C4orf51: variants seen among roughly 807,000 people sequenced by gnomAD.
The protein encoded by C4orf51 is uncharacterized protein C4orf51.
In C4orf51, 25 loss-of-function variants were observed where a neutral mutation model predicts 25.2. That is an observed-to-expected ratio of 0.99 (90% CI 0.72 to 1.39). The LOEUF (loss-of-function observed/expected upper bound fraction) is 1.39, where lower values mean the gene tolerates loss of function less well. Ranked by LOEUF, C4orf51 falls within the 40% of genes most tolerant of loss-of-function variation. C4orf51 has a pLI of 0.00. For synonymous variants in C4orf51, 100 were observed against 84.5 expected (o/e 1.18, Z -1.01); for missense variants, 252 against 239.6 (o/e 1.05, Z -0.34).
intron 1 of C4orf51, among the ~76,000 whole-genome samples, chr4:145,767,271 C>T (rs1346951442): frequency 6.6e-6 from 1 of 152,116 alleles, no homozygotes; most frequent in African/African-American, 2.4e-5. Context: ...CAGCAGTAAT[C>T]CCATTAGACA....
chr4:145,726,921 T>C lies in C4orf51; in HGVS notation c.318T>C (p.Pro106=), dbSNP rs756058976. 1 of 1,613,128 alleles carries C rather than the reference T, an allele frequency of 6.2e-7. No individual in the cohort carries two copies. Among genetic ancestry groups the C allele is most frequent in the Non-Finnish European group, 8.5e-7 (1 of 1,179,280 alleles). ...TTCATGTGCATGCAGGACTATTCCC[T>C]GATATAACCAGGCCCTTTAAAAAGT... ...QETTDIKGLF[P]DITRPFKKSF... The change falls in exon 3 of 6, where the codon CCT becomes CCC. Residue 106 remains proline (P), a synonymous_variant. Transcript: ENST00000438731.
intron 1 of C4orf51, among the ~76,000 whole-genome samples, chr4:145,692,645 G>T (rs1015659367): frequency 6.6e-6 from 1 of 152,154 alleles, no homozygotes; most frequent in Non-Finnish European, 1.5e-5. Flanking sequence ...ACATGTATAG[G>T]AATATTTTAG....
chr4:145,739,183 A>T (rs895578548), intron 1 of C4orf51, among the ~76,000 whole-genome samples: 2 of 152,254 alleles, frequency 1.3e-5, no homozygotes, highest in African/African-American at 4.8e-5. Context: ...TATAAGAAGC[A>T]TACACAAATA....
At chr4:145,696,979 G>A (rs1167182512) in intron 2 of C4orf51, among the ~76,000 whole-genome samples, 1 of 152,096 alleles carries the variant, frequency 6.6e-6, no homozygotes, top group African/African-American at 2.4e-5. Context: ...AGAGGTTGCA[G>A]TGAGCCGAGG....
At chr4:145,717,187 A>G (rs1220057245) in intron 2 of C4orf51, among the ~76,000 whole-genome samples, 1 of 151,890 alleles carries the variant, frequency 6.6e-6, no homozygotes, top group Non-Finnish European at 1.5e-5. Context: ...GGGTGGGGGC[A>G]TTTGAGGGGT....
At chr4:145,758,301 A>C (rs957739082), downstream of C4orf51, 17 of 152,376 alleles carry the variant, frequency 1.1e-4, no homozygotes, top group African/African-American at 3.6e-4. Context: ...GCATTTGAGC[A>C]GTAAACGTCT....
chr4:145,699,904 C>G (rs1233671302), intron 2 of C4orf51, among the ~76,000 whole-genome samples: 1 of 152,068 alleles, frequency 6.6e-6, no homozygotes, highest in African/African-American at 2.4e-5. Context: ...TCTCCTTCAC[C>G]CTTAGCGGCA....
chr4:145,700,874 C>T (rs918477982), intron 2 of C4orf51, among the ~76,000 whole-genome samples: 3 of 152,316 alleles, frequency 2.0e-5, no homozygotes, highest in African/African-American at 7.2e-5. Flanking sequence ...CCTCCTCACA[C>T]CTGGTCCAGC....
chr4:145,692,661 G>A (rs1172173809), intron 1 of C4orf51, among the ~76,000 whole-genome samples: 4 of 152,160 alleles, frequency 2.6e-5, no homozygotes, highest in East Asian at 3.8e-4. Context: ...TTTAGGGCTC[G>A]TTAGGCTGAT....
chr4:145,746,038 A>G (rs1733352292), intron 1 of C4orf51, among the ~76,000 whole-genome samples: 1 of 152,148 alleles, frequency 6.6e-6, no homozygotes. Flanking sequence ...ATGTATTCAA[A>G]TCTTTTGCCC....
At chr4:145,736,442 T>TATCACA (rs1732806787), downstream of C4orf51, among the ~76,000 whole-genome samples, 1 of 152,116 alleles carries the variant, frequency 6.6e-6, no homozygotes, top group Non-Finnish European at 1.5e-5. Context: ...CTCTGTGACC[T>TATCACA]GAGCTGGGTC....
chr4:145,682,261 A>G (rs1042075673), intron 1 of C4orf51, among the ~76,000 whole-genome samples: 1 of 152,206 alleles, frequency 6.6e-6, no homozygotes, highest in African/African-American at 2.4e-5. Context: ...TTATTCTATT[A>G]GAAGCTAAGA....
At chr4:145,724,825 A>T (rs1420882853) in intron 2 of C4orf51, among the ~76,000 whole-genome samples, 1 of 144,034 alleles carries the variant, frequency 6.9e-6, no homozygotes, top group African/African-American at 2.6e-5. Context: ...TGGAGGTTGC[A>T]GTGAGCCATG....
chr4:145,726,353 T>C (rs1414470509), intron 2 of C4orf51, among the ~76,000 whole-genome samples: 1 of 152,170 alleles, frequency 6.6e-6, no homozygotes, highest in African/African-American at 2.4e-5. Flanking sequence ...TATTCGAAAA[T>C]ATTCAATTTT....
chr4:145,784,188 C>G, the C4orf51 span, among the ~76,000 whole-genome samples: 1 of 152,128 alleles, frequency 6.6e-6, no homozygotes, highest in Non-Finnish European at 1.5e-5. Flanking sequence ...CAATTAAAAC[C>G]CTTTCATTGT....
chr4:145,692,935 G>A (rs1049513764), intron 1 of C4orf51, among the ~76,000 whole-genome samples: 1 of 119,600 alleles, frequency 8.4e-6, no homozygotes, highest in Non-Finnish European at 1.8e-5. Context: ...AAGTTACTCC[G>A]CTGATATTAA....
chr4:145,704,393 C>G (rs1730663811), intron 2 of C4orf51, among the ~76,000 whole-genome samples: 1 of 152,132 alleles, frequency 6.6e-6, no homozygotes, highest in Admixed American at 6.5e-5. Context: ...TTCACAAGGC[C>G]ACTTCTGTCT....
intron 1 of C4orf51, among the ~76,000 whole-genome samples, chr4:145,687,715 G>A (rs962025542): frequency 5.3e-5 from 8 of 152,214 alleles, no homozygotes; most frequent in Admixed American, 2.6e-4. Context: ...GAGTGAAAAA[G>A]CAGCAGCATG....
At chr4:145,711,256 A>G (rs1434741253) in intron 2 of C4orf51, among the ~76,000 whole-genome samples, 1 of 152,194 alleles carries the variant, frequency 6.6e-6, no homozygotes, top group Non-Finnish European at 1.5e-5. Context: ...ACTCTTCTCC[A>G]GTGTTCTAAT....
Sources: allele counts gnomAD v4.1 joint callset (sites outside exome capture counted in the v4.1 genomes callset), GRCh38; gene constraint gnomAD v4.1.1; transcripts MANE v1.5; gene names NCBI Gene and HGNC (gene_info 2026-07-23, HGNC 2026-07-21).